Variants in POLDIP3 observed in about 807,000 individuals in gnomAD.
POLDIP3 encodes polymerase delta-interacting protein 3.
In POLDIP3, 14 loss-of-function variants were observed where a neutral mutation model predicts 45.1. The ratio of observed to expected loss-of-function variants is 0.31; its 90% CI spans 0.20 to 0.49. The LOEUF is 0.49. Ranked by LOEUF, POLDIP3 falls within the 20% of genes least tolerant of loss-of-function variation. POLDIP3 has a pLI of 0.99. For missense variants in POLDIP3, 511 were observed against 538.8 expected (o/e 0.95, Z 0.51); for synonymous variants, 223 against 205.2 (o/e 1.09, Z -0.74).
chr22:42,584,745 G>C lies in POLDIP3; in HGVS notation c.*1046C>G. The C allele has an allele frequency of 2.7e-6, 1 of 370,738 alleles. No homozygotes were observed. The highest frequency in any genetic ancestry group is 5.3e-6 in the Non-Finnish European group (1 of 189,054). The allele number at this position is 370,738 out of a possible 1,614,324, so 23.0% of individuals were successfully genotyped here. On this transcript the variant is annotated 3_prime_UTR_variant, in exon 9 of 9. Coordinates refer to ENST00000252115, the MANE Select transcript of POLDIP3 (RefSeq NM_032311.5). ...GAAAATAATCCTCTGGTCATGGATG[G>C]ATGGGGTCACTCACATAAGTGGGAA...
chr22:42,609,142 C>G (rs1926961339), intron 1 of POLDIP3, among the ~76,000 whole-genome samples: 1 of 152,202 alleles, frequency 6.6e-6, no homozygotes, highest in South Asian at 2.1e-4. Flanking sequence ...AAGCCCAACC[C>G]CTGGGGGGGC....
At chr22:42,594,768 T>C (rs1196272050) in intron 6 of POLDIP3, among the ~76,000 whole-genome samples, 2 of 152,174 alleles carry the variant, frequency 1.3e-5, no homozygotes, top group Non-Finnish European at 1.5e-5. Context: ...ATGACTGCCA[T>C]GGGTGGGACG....
At chr22:42,610,660 T>C (rs1432384673) in intron 1 of POLDIP3, among the ~76,000 whole-genome samples, 1 of 152,208 alleles carries the variant, frequency 6.6e-6, no homozygotes, top group Non-Finnish European at 1.5e-5. Context: ...CCCAGCACTT[T>C]GTGAGGCAGA....
intron 1 of POLDIP3, among the ~76,000 whole-genome samples, chr22:42,605,434 T>TGA (rs1170126688): frequency 6.6e-6 from 1 of 152,242 alleles, no homozygotes; most frequent in Admixed American, 6.5e-5. Context: ...CAGTTTCTGT[T>TGA]TTTTATAAGT....
At chr22:42,595,884 A>C (rs899136103) in intron 5 of POLDIP3, among the ~76,000 whole-genome samples, 1 of 152,162 alleles carries the variant, frequency 6.6e-6, no homozygotes, top group African/African-American at 2.4e-5. Context: ...CCACTCAGCT[A>C]AAAGAGCCCT....
rs1925498564 is a variant in POLDIP3, at chr22:42,588,996, T to C, written c.1022-1424A>G. On this transcript the variant is annotated intron_variant, in intron 7 of 8. Transcript: ENST00000252115. ...TGGCTCATGCCTGTAATCCCAGCAC[T>C]TTGCAAGGCTGAGATGGGCAGATCA... Among the ~76,000 whole-genome samples, 3 of 152,180 alleles carry C rather than the reference T, an allele frequency of 2.0e-5. No homozygotes were observed. The South Asian group carries it at 6.2e-4, about 31-fold the overall frequency.
At chr22:42,604,862 C>G (rs906527867) in intron 1 of POLDIP3, among the ~76,000 whole-genome samples, 1 of 152,204 alleles carries the variant, frequency 6.6e-6, no homozygotes, top group East Asian at 1.9e-4. Flanking sequence ...CTGTTGAAGC[C>G]TAATCTGCAA....
At chr22:42,611,854 G>A (rs958063048) in intron 1 of POLDIP3, among the ~76,000 whole-genome samples, 4 of 152,096 alleles carry the variant, frequency 2.6e-5, no homozygotes, top group African/African-American at 7.2e-5. Flanking sequence ...TCCAGCCTGG[G>A]CAACAGAGTG....
intron 3 of POLDIP3, 111 bp from the exon 4 acceptor site, chr22:42,599,904 G>C: frequency 1.3e-6 from 1 of 760,868 alleles, no homozygotes; most frequent in Non-Finnish European, 2.1e-6. Context: ...AGGGACCAAG[G>C]AGAAGTGGGC....
chr22:42,600,411 G>A (rs1207517402), intron 3 of POLDIP3, among the ~76,000 whole-genome samples: 1 of 151,882 alleles, frequency 6.6e-6, no homozygotes, highest in Admixed American at 6.6e-5. Context: ...CGGATCACGA[G>A]GTCAGGAGAT....
chr22:42,601,889 G>T, intron 3 of POLDIP3, 81 bp downstream of exon 3: 1 of 1,486,708 alleles, frequency 6.7e-7, no homozygotes. Context: ...ACCCAAGTAG[G>T]CCTCATCAAA....
chr22:42,613,679 G>A (rs1195100858), intron 1 of POLDIP3, among the ~76,000 whole-genome samples: 1 of 151,996 alleles, frequency 6.6e-6, no homozygotes, highest in Non-Finnish European at 1.5e-5. Context: ...GAGAATCGCT[G>A]GAACCGGGGA....
intron 7 of POLDIP3, 145 bp downstream of exon 7, chr22:42,591,808 CAG>C (rs1180147292): frequency 9.2e-7 from 1 of 1,089,546 alleles, no homozygotes; most frequent in Non-Finnish European, 1.3e-6. Flanking sequence ...CAGGACTACT[CAG>C]AGACTGCACG....
chr22:42,585,257 G>T lies in POLDIP3; in HGVS notation c.*534C>A. 1.9e-6 allele frequency: 1 copy of T among 516,060 alleles called. No homozygotes were observed. The highest frequency in any genetic ancestry group is 1.4e-5 in the South Asian group (1 of 70,680). 32.0% of individuals were successfully genotyped at this position (516,060 alleles called of 1,614,324 possible). Reference sequence around the variant, plus strand: ...GGAGAGGACAAGAGGCCTGAGACCTGCTCCCCACCCAGGCACCTCCACTGA... The same window carrying T: ...GGAGAGGACAAGAGGCCTGAGACCTTCTCCCCACCCAGGCACCTCCACTGA... On this transcript the variant is annotated 3_prime_UTR_variant, in exon 9 of 9. Transcript: ENST00000252115.
chr22:42,604,320 C>G (rs1189043384), intron 1 of POLDIP3, among the ~76,000 whole-genome samples: 1 of 152,112 alleles, frequency 6.6e-6, no homozygotes, highest in Non-Finnish European at 1.5e-5. Context: ...AGTCCTTTTG[C>G]AGGGCCCAGC....
intron 4 of POLDIP3, among the ~76,000 whole-genome samples, chr22:42,598,586 G>A (rs1478689754): frequency 6.6e-6 from 1 of 151,880 alleles, no homozygotes; most frequent in Non-Finnish European, 1.5e-5. Flanking sequence ...TGGTTTCACC[G>A]TGCTAGCCAG....
At chr22:42,606,086 A>G (rs1343472946) in intron 1 of POLDIP3, among the ~76,000 whole-genome samples, 1 of 152,158 alleles carries the variant, frequency 6.6e-6, no homozygotes. Flanking sequence ...AGGTTACAGC[A>G]AGCCAAGATC....
In POLDIP3 at chr22:42,585,474, A is replaced by C. The variant is rs1436755357; in HGVS notation, c.*317T>G. 5.2e-6 allele frequency: 2 copies of C among 384,514 alleles called. No homozygotes were observed. The highest frequency in any genetic ancestry group is 1.2e-4 in the East Asian group (2 of 16,442). 23.8% of individuals were successfully genotyped at this position (384,514 alleles called of 1,614,324 possible). A position where few individuals can be genotyped will look rare whatever the true frequency, so the allele number is the denominator to read the frequency against. On this transcript the variant is annotated 3_prime_UTR_variant, in exon 9 of 9. Transcript: ENST00000252115. Reference sequence around the variant, plus strand: ...ATGGGGCCACAAGAAAGCCACCCAGAGAATTCAGTGTACCATTTCCAGATA... The same window carrying C: ...ATGGGGCCACAAGAAAGCCACCCAGCGAATTCAGTGTACCATTTCCAGATA...
At chr22:42,590,054 A>G (rs993744368) in intron 7 of POLDIP3, among the ~76,000 whole-genome samples, 26 of 152,200 alleles carry the variant, frequency 1.7e-4, no homozygotes, top group African/African-American at 5.3e-4. Flanking sequence ...TGGAAATTGA[A>G]ACAATCCTAA....
Sources: gnomAD v4.1 joint callset for allele counts (sites outside exome capture counted in the v4.1 genomes callset) on GRCh38, gnomAD v4.1.1 for gene constraint, MANE v1.5 for transcripts, NCBI Gene and HGNC (gene_info 2026-07-23, HGNC 2026-07-21) for gene names.